ZNF695: variants seen among roughly 807,000 people sequenced by gnomAD.
ZNF695 encodes the protein zinc finger protein 695, also known as zinc finger protein SBZF3.
In ZNF695, 11 loss-of-function variants were observed where a neutral mutation model predicts 11.2. The ratio of observed to expected loss-of-function variants is 0.98; its 90% CI spans 0.62 to 1.62. The LOEUF (loss-of-function observed/expected upper bound fraction) is 1.62, where lower values mean the gene tolerates loss of function less well. Ranked by LOEUF, ZNF695 falls within the 40% of genes most tolerant of loss-of-function variation. The pLI, the probability that ZNF695 is intolerant of heterozygous loss-of-function variation, is 0.00. For missense variants in ZNF695, 559 were observed against 590.5 expected (o/e 0.95, Z 0.55); for synonymous variants, 190 against 201.4 (o/e 0.94, Z 0.48).
intron 4 of ZNF695, among the ~76,000 whole-genome samples, chr1:246,977,694 T>C (rs1001684107): frequency 6.6e-6 from 1 of 152,250 alleles, no homozygotes; most frequent in Non-Finnish European, 1.5e-5. Context: ...CTTTCATACA[T>C]CTCATTCTGT....
At chr1:246,961,398 G>C (rs1431639698) in intron 5 of ZNF695, among the ~76,000 whole-genome samples, 1 of 152,138 alleles carries the variant, frequency 6.6e-6, no homozygotes, top group Non-Finnish European at 1.5e-5. Context: ...CAAATCTTCT[G>C]CCTCCCACAG....
intron 5 of ZNF695, among the ~76,000 whole-genome samples, chr1:246,965,757 A>C (rs1668274637): frequency 6.6e-6 from 1 of 151,972 alleles, no homozygotes; most frequent in Non-Finnish European, 1.5e-5. Context: ...CAAAAAACGA[A>C]GAAAGAAAAA....
At chr1:246,966,281 G>A (rs1208339180) in intron 5 of ZNF695, among the ~76,000 whole-genome samples, 3 of 152,114 alleles carry the variant, frequency 2.0e-5, no homozygotes, top group Non-Finnish European at 2.9e-5. Flanking sequence ...TTGAGGTCAG[G>A]AGTTTGAGAC....
At chr1:246,962,737 G>A (rs926848097) in intron 5 of ZNF695, among the ~76,000 whole-genome samples, 5 of 150,816 alleles carry the variant, frequency 3.3e-5, no homozygotes, top group South Asian at 2.1e-4. Context: ...CTGTCACCCA[G>A]GCTGCAGTAC....
chr1:246,971,803 G>A (rs928927236), intron 4 of ZNF695, among the ~76,000 whole-genome samples: 1 of 151,852 alleles, frequency 6.6e-6, no homozygotes, highest in South Asian at 2.1e-4. Flanking sequence ...TTATTATACT[G>A]CAACAGCTTG....
At chr1:246,962,204 G>A (rs1668179438) in intron 5 of ZNF695, among the ~76,000 whole-genome samples, 1 of 152,242 alleles carries the variant, frequency 6.6e-6, no homozygotes, top group Non-Finnish European at 1.5e-5. Flanking sequence ...GCTCAGGTCA[G>A]ACTTCCTGTC....
At chr1:246,954,006 G>A (rs972325450) in intron 5 of ZNF695, among the ~76,000 whole-genome samples, 41 of 149,642 alleles carry the variant, frequency 2.7e-4, no homozygotes, top group African/African-American at 7.1e-4. Flanking sequence ...GGTAAGTGTA[G>A]AGCTTGGGAC....
chr1:246,995,671 A>C (rs1382447770), intron 3 of ZNF695, among the ~76,000 whole-genome samples: 1 of 151,860 alleles, frequency 6.6e-6, no homozygotes, highest in Non-Finnish European at 1.5e-5. Context: ...CTCTACTAAA[A>C]AGACACGGTG....
chr1:246,955,700 A>G (rs191488431), intron 5 of ZNF695, among the ~76,000 whole-genome samples: 1 of 152,270 alleles, frequency 6.6e-6, no homozygotes, highest in Admixed American at 6.5e-5. Flanking sequence ...ATAACGCCCT[A>G]TATTTACCTA....
intron 3 of ZNF695, among the ~76,000 whole-genome samples, chr1:246,992,426 G>T (rs952068376): frequency 3.3e-5 from 5 of 151,844 alleles, no homozygotes; most frequent in African/African-American, 1.2e-4. Context: ...GGTGGGGGAG[G>T]TGGGGATGGT....
intron 3 of ZNF695, among the ~76,000 whole-genome samples, chr1:246,991,407 G>A (rs1019911153): frequency 1.3e-5 from 2 of 152,080 alleles, no homozygotes; most frequent in Non-Finnish European, 2.9e-5. Flanking sequence ...AAGTTATAAG[G>A]AGCTCAAACA....
chr1:246,966,913 TAA>T, intron 5 of ZNF695: 2 of 441,230 alleles, frequency 4.5e-6, no homozygotes, highest in Non-Finnish European at 9.0e-6. Context: ...ACATATTAAA[TAA>T]ATCATATTAA....
intron 1 of ZNF695, among the ~76,000 whole-genome samples, chr1:247,003,539 C>T (rs1406196889): frequency 2.0e-5 from 3 of 152,118 alleles, no homozygotes; most frequent in African/African-American, 4.8e-5. Context: ...ACCAAACAAC[C>T]ATGAAACAAA....
intron 3 of ZNF695, among the ~76,000 whole-genome samples, chr1:246,991,858 A>G (rs1186201493): frequency 2.6e-5 from 4 of 152,180 alleles, no homozygotes; most frequent in Non-Finnish European, 4.4e-5. Context: ...CAGACTTTGG[A>G]AGCAACCTAA....
intron 5 of ZNF695, among the ~76,000 whole-genome samples, chr1:246,953,641 G>A (rs1231678137): frequency 6.7e-6 from 1 of 150,142 alleles, no homozygotes; most frequent in East Asian, 2.0e-4. Flanking sequence ...ACAAAGAAAT[G>A]GGCCCTGCGT....
intron 5 of ZNF695, among the ~76,000 whole-genome samples, chr1:246,958,090 G>A (rs1293634595): frequency 6.7e-6 from 1 of 149,104 alleles, no homozygotes; most frequent in African/African-American, 2.5e-5. Flanking sequence ...ACAGAGTCTT[G>A]CTCTGTCGCC....
chr1:246,983,160 C>T (rs1327664770), downstream of ZNF695, among the ~76,000 whole-genome samples: 4 of 150,442 alleles, frequency 2.7e-5, no homozygotes, highest in African/African-American at 4.9e-5. Context: ...GCCGTGATCG[C>T]GCCACTACAC....
At chr1:247,004,655 AATGAT>A (rs1444952514) in intron 1 of ZNF695, among the ~76,000 whole-genome samples, 1 of 152,210 alleles carries the variant, frequency 6.6e-6, no homozygotes, top group African/African-American at 2.4e-5. Context: ...CTTGTTTGCA[AATGAT>A]ATGATCTTCC....
At chr1:246,999,508 T>G in intron 2 of ZNF695, 68 bp from the exon 3 acceptor site, 1 of 1,263,016 alleles carries the variant, frequency 7.9e-7, no homozygotes, top group African/African-American at 1.5e-5. Flanking sequence ...CTATGCTCAG[T>G]AGAGAAGAGA....
Sources: allele counts gnomAD v4.1 joint callset (sites outside exome capture counted in the v4.1 genomes callset), GRCh38; gene constraint gnomAD v4.1.1; transcripts MANE v1.5; gene names NCBI Gene and HGNC (gene_info 2026-07-23, HGNC 2026-07-21).